The following TNS3 variants were observed in gnomAD, a reference collection of about 807,000 sequenced individuals.
TNS3 encodes the protein tensin 3, also known as tensin-3.
TNS3 carries 45 observed loss-of-function variants against 140.9 expected under a neutral mutation model. The observed-to-expected ratio is 0.32, with a 90% CI of 0.25 to 0.41. The LOEUF (loss-of-function observed/expected upper bound fraction) is 0.41, where lower values mean the gene tolerates loss of function less well. TNS3 is among the 10% of genes least tolerant of loss of function. TNS3 has a pLI of 1.00. For missense variants in TNS3, 1,716 were observed against 1,906.7 expected, an observed-to-expected ratio of 0.90 and a Z score of 1.86; for synonymous variants, 815 against 788.4, an observed-to-expected ratio of 1.03 and a Z score of -0.56.
chr7:47,471,753 T>A (rs144548303), intron 4 of TNS3, among the ~76,000 whole-genome samples: 1 of 152,316 alleles, frequency 6.6e-6, no homozygotes, highest in African/African-American at 2.4e-5. Context: ...CCCTCGGGTG[T>A]CCACTGGGTA....
intron 20 of TNS3, among the ~76,000 whole-genome samples, chr7:47,322,879 C>T (rs1024017313): frequency 6.6e-6 from 1 of 152,130 alleles, no homozygotes; most frequent in African/African-American, 2.4e-5. Flanking sequence ...GGACCCTGCT[C>T]TATCTGGCAC....
intron 20 of TNS3, among the ~76,000 whole-genome samples, chr7:47,339,602 G>T (rs1459730086): frequency 3.9e-5 from 6 of 152,192 alleles, no homozygotes; most frequent in Admixed American, 3.9e-4. Flanking sequence ...TATACAATAA[G>T]TCTTGAAATT....
chr7:47,352,157 ACT>A (rs1245348708), intron 17 of TNS3, among the ~76,000 whole-genome samples: 11 of 151,648 alleles, frequency 7.3e-5, no homozygotes, highest in African/African-American at 2.4e-4. Flanking sequence ...TTGCACTAAC[ACT>A]CTCACCCACA....
intron 17 of TNS3, among the ~76,000 whole-genome samples, chr7:47,351,641 G>A (rs768484283): frequency 3.9e-5 from 6 of 152,254 alleles, no homozygotes; most frequent in South Asian, 2.1e-4. Context: ...TCCACCAGGC[G>A]CTGCCTCCCT....
intron 20 of TNS3, among the ~76,000 whole-genome samples, chr7:47,325,930 T>C (rs992934523): frequency 2.0e-5 from 3 of 152,188 alleles, no homozygotes; most frequent in Non-Finnish European, 2.9e-5. Flanking sequence ...TAGAACTATG[T>C]TGATGCATGG....
chr7:47,484,618 A>G (rs1009152660), intron 3 of TNS3, among the ~76,000 whole-genome samples: 10 of 152,314 alleles, frequency 6.6e-5, no homozygotes, highest in Non-Finnish European at 1.2e-4. Flanking sequence ...CTTCAGCCTT[A>G]GCAGAGGCAG....
chr7:47,564,817 G>C (rs4724590), intron 1 of TNS3, among the ~76,000 whole-genome samples: 150,957 of 151,854 alleles, frequency 0.99, 75,039 homozygotes, highest in East Asian at 1. Context: ...CTGCCTCCCC[G>C]ACCCTATCCT....
intron 8 of TNS3, among the ~76,000 whole-genome samples, chr7:47,431,084 GA>G (rs2151512254): frequency 6.6e-6 from 1 of 152,120 alleles, no homozygotes; most frequent in African/African-American, 2.4e-5. Flanking sequence ...AAGAATCTTG[GA>G]AAATTCACAA....
At chr7:47,307,300 A>G (rs1735432889) in intron 20 of TNS3, among the ~76,000 whole-genome samples, 1 of 152,206 alleles carries the variant, frequency 6.6e-6, no homozygotes, top group African/African-American at 2.4e-5. Context: ...TTATTTTGAG[A>G]TTCCGCCACA....
chr7:47,450,271 T>C (rs1206765348), intron 4 of TNS3, among the ~76,000 whole-genome samples: 2 of 152,156 alleles, frequency 1.3e-5, no homozygotes, highest in South Asian at 2.1e-4. Flanking sequence ...AAAAGAAGAA[T>C]AGGATGAAAA....
chr7:47,442,912 G>A (rs2151584036), intron 4 of TNS3, among the ~76,000 whole-genome samples: 1 of 152,326 alleles, frequency 6.6e-6, no homozygotes, highest in East Asian at 1.9e-4. Flanking sequence ...ACTCAGGCAG[G>A]TGCAGCTCAC....
Position 47,579,881 on chromosome 7 carries a change from C to G in TNS3, c.-265+2170G>C, listed in dbSNP as rs568157578. 106 of 984,620 alleles carry G rather than the reference C, an allele frequency of 1.1e-4. 2 individuals are homozygous for G. In the South Asian group the frequency reaches 4.7e-3, roughly 44 times the overall value. The allele number at this position is 984,620 out of a possible 1,614,324, so 61.0% of individuals were successfully genotyped here. On this transcript the variant is annotated intron_variant, in intron 1 of 30. Coordinates refer to ENST00000311160, the MANE Select transcript of TNS3 (RefSeq NM_022748.12). ...CTCCTCCTCAGGTCTCTGCTATCCCCTTCAGCAACACCTCCTGCAGTGGAA... is the reference window on the plus strand; with the variant it reads ...CTCCTCCTCAGGTCTCTGCTATCCCGTTCAGCAACACCTCCTGCAGTGGAA...
rs553267535 is a variant in TNS3, at chr7:47,557,253, C to G, written c.-265+24798G>C. ...GAGAGGCTGACTTTTCGTCTTTCCT[C>G]AGGGTGCAGTCACGGGTGATATGCA... is the stretch of plus-strand genomic sequence containing the variant. On this transcript the variant is annotated intron_variant, in intron 1 of 30. Coordinates refer to ENST00000311160, the MANE Select transcript of TNS3 (RefSeq NM_022748.12). 1.5e-5 allele frequency: 6 copies of G among 412,492 alleles called. No individual in the cohort carries two copies. The East Asian group carries it at 4.3e-4, about 30-fold the overall frequency. 25.6% of individuals were successfully genotyped at this position (412,492 alleles called of 1,614,324 possible). A position where few individuals can be genotyped will look rare whatever the true frequency, so the allele number is the denominator to read the frequency against.
intron 17 of TNS3, among the ~76,000 whole-genome samples, chr7:47,361,210 A>AAAAAAAAAAAAAAAAAAAAAC: frequency 6.9e-6 from 1 of 144,374 alleles, no homozygotes; most frequent in Non-Finnish European, 1.5e-5. Flanking sequence ...CCATGCCAAA[A>AAAAAAAAAAAAAAAAAAAAAC]AAAAAAAAAA....
chr7:47,307,001 A>T (rs1786796684), intron 20 of TNS3, among the ~76,000 whole-genome samples: 1 of 152,274 alleles, frequency 6.6e-6, no homozygotes. Context: ...TTAATTTTTC[A>T]TGAAACTTTA....
intron 2 of TNS3, among the ~76,000 whole-genome samples, chr7:47,512,258 A>G (rs1377426476): frequency 6.6e-6 from 1 of 152,086 alleles, no homozygotes; most frequent in Non-Finnish European, 1.5e-5. Context: ...AACATCTACC[A>G]TGAGCTACAC....
chr7:47,560,995 A>G (rs1800309033), intron 1 of TNS3, among the ~76,000 whole-genome samples: 1 of 152,176 alleles, frequency 6.6e-6, no homozygotes, highest in African/African-American at 2.4e-5. Flanking sequence ...TTCAGGTGTG[A>G]CTTCATGAAA....
At chr7:47,510,120 C>T (rs931979100) in intron 2 of TNS3, among the ~76,000 whole-genome samples, 11 of 152,326 alleles carry the variant, frequency 7.2e-5, no homozygotes, top group East Asian at 1.9e-4. Context: ...TGAGGATTCA[C>T]GTGCTGGACA....
rs1361506226 is a variant in TNS3, at chr7:47,435,368, G to A, written c.238C>T (p.Pro80Ser). The A allele has an allele frequency of 1.9e-6, 3 of 1,614,032 alleles. No individual in the cohort carries two copies. The highest frequency in any genetic ancestry group is 1.1e-5 in the South Asian group (1 of 91,074). The change falls in exon 8 of 31, where the codon CCC becomes TCC. Residue 80 changes from proline (P) to serine (S), a missense_variant. Pro to Ser is a moderately conservative substitution (Grantham distance 74). This residue lies in a region of TNS3 where 337 missense variants were observed against 428.9 expected (regional missense o/e 0.79). Coordinates refer to ENST00000311160, the MANE Select transcript of TNS3 (RefSeq NM_022748.12). ...DVGWPELHAP[P>S]LDKMCTICKA... ...CATATGGTACACATCTTATCCAGGG[G>A]CGGTGCGTGGAGCTCTGGCCAGCCC... is the stretch of plus-strand genomic sequence containing the variant.
Sources: gnomAD v4.1 joint callset for allele counts (sites outside exome capture counted in the v4.1 genomes callset) on GRCh38, gnomAD v4.1.1 for gene constraint, gnomAD v4.1.1 regional missense constraint, MANE v1.5 for transcripts, NCBI Gene and HGNC (gene_info 2026-07-23, HGNC 2026-07-21) for gene names.